Variants in KRT73 observed in about 807,000 individuals in gnomAD.
The protein encoded by KRT73 is keratin 73, also known as keratin, type II cytoskeletal 73.
In KRT73, 44 loss-of-function variants were observed where a neutral mutation model predicts 47.2. The ratio of observed to expected loss-of-function variants is 0.93; its 90% CI spans 0.73 to 1.20. The LOEUF (loss-of-function observed/expected upper bound fraction) is 1.20. KRT73 is among the 50% of genes most tolerant of loss of function. The probability of loss-of-function intolerance (pLI) is 0.00; values close to 1 mark genes in which losing one functional copy is unlikely to be tolerated. For missense variants in KRT73, 713 were observed against 704.5 expected, an observed-to-expected ratio of 1.01 and a Z score of -0.14; for synonymous variants, 285 against 291.3, an observed-to-expected ratio of 0.98 and a Z score of 0.22.
intron 5 of KRT73, among the ~76,000 whole-genome samples, chr12:52,611,745 C>G (rs1940708118): frequency 6.6e-6 from 1 of 152,180 alleles, no homozygotes; most frequent in Non-Finnish European, 1.5e-5. Context: ...ACACTTCCCC[C>G]AGATGTCCCA....
Position 52,616,321 on chromosome 12 carries a change from C to A in KRT73, c.507G>T (p.Gln169His). 1 of 1,614,182 alleles carries A rather than the reference C, an allele frequency of 6.2e-7. No individual in the cohort carries two copies. Among genetic ancestry groups the A allele is most frequent in the Non-Finnish European group, 8.5e-7 (1 of 1,180,034 alleles). Residue 169 changes from glutamine to histidine, a missense_variant, in exon 2 of 9, where the codon CAG (glutamine) becomes CAT (histidine). Coordinates refer to ENST00000305748, the MANE Select transcript of KRT73 (RefSeq NM_175068.3). ...VLETKWELLQ[Q>H]LDLNNCKNNL... The stretch of plus-strand genomic sequence containing the variant: ...TATTCTTGCAGTTGTTCAGGTCCAG[C>A]TGCTGTAGCAGCTCCCACTTGGTCT...
the KRT73 span, among the ~76,000 whole-genome samples, chr12:52,627,992 T>C: frequency 6.6e-6 from 1 of 152,138 alleles, no homozygotes; most frequent in Non-Finnish European, 1.5e-5. Flanking sequence ...GAAGATCTTA[T>C]TAGTGAATAT....
chr12:52,609,313 AT>A (rs1940647102), intron 7 of KRT73, 32 bp from the exon 8 acceptor site: 1 of 1,599,458 alleles, frequency 6.3e-7, no homozygotes, highest in African/African-American at 1.3e-5. Flanking sequence ...GAGAGTCTGA[AT>A]CACGTGGACT....
chr12:52,629,682 G>A, the KRT73 span, among the ~76,000 whole-genome samples: 3 of 152,352 alleles, frequency 2.0e-5, no homozygotes, highest in Admixed American at 2.0e-4. Flanking sequence ...GACTTCTCTA[G>A]ATTGCCTGTT....
In KRT73 at chr12:52,618,178, G is replaced by A. The variant is rs1308999356; in HGVS notation, c.347C>T (p.Pro116Leu). 6.2e-7 allele frequency: 1 copy of A among 1,613,910 alleles called. No individual in the cohort carries two copies. The highest frequency in any genetic ancestry group is 2.2e-5 in the East Asian group (1 of 44,878). Reference sequence around the variant, plus strand: ...TTCAGGGTCCAGCTCCACGTTCAGGGGTGCCAGGAGGCTCTTGTTGATGGT... The same window carrying A: ...TTCAGGGTCCAGCTCCACGTTCAGGAGTGCCAGGAGGCTCTTGTTGATGGT... ...QVTINKSLLAPLNVELDPEIQ... is the reference protein window; with the variant it reads ...QVTINKSLLALLNVELDPEIQ... Residue 116 changes from proline to leucine, a missense_variant, in exon 1 of 9, where the codon CCC becomes CTC. Coordinates refer to ENST00000305748, the MANE Select transcript of KRT73 (RefSeq NM_175068.3).
upstream of KRT73, among the ~76,000 whole-genome samples, chr12:52,622,127 T>G (rs1205851751): frequency 2.0e-5 from 3 of 151,572 alleles, no homozygotes; most frequent in South Asian, 2.1e-4. Context: ...GTCCTCAAAT[T>G]GAATGAAAAA....
the KRT73 span, among the ~76,000 whole-genome samples, chr12:52,627,101 C>G: frequency 2.6e-5 from 4 of 152,192 alleles, no homozygotes; most frequent in Admixed American, 1.3e-4. Flanking sequence ...ACAGTAGATA[C>G]AGCACCTCTA....
chr12:52,630,145 C>A, the KRT73 span, among the ~76,000 whole-genome samples: 3 of 152,232 alleles, frequency 2.0e-5, no homozygotes, highest in Admixed American at 6.5e-5. Flanking sequence ...GTGCTCATCA[C>A]GTGCACCCTG....
the KRT73 span, among the ~76,000 whole-genome samples, chr12:52,623,750 T>TAATG: frequency 6.6e-6 from 1 of 151,964 alleles, no homozygotes. Context: ...ACTGATAAAA[T>TAATG]AATGATAGCA....
At chr12:52,621,370 A>C (rs1288685773), upstream of KRT73, among the ~76,000 whole-genome samples, 1 of 152,144 alleles carries the variant, frequency 6.6e-6, no homozygotes, top group Non-Finnish European at 1.5e-5. Context: ...CAATCAAATA[A>C]ATATTGTGAA....
At position 52,613,808 on chromosome 12, in the gene KRT73, G is replaced by A; in HGVS notation, c.864C>T (p.Ile288=). 1 of 1,614,212 alleles carries A rather than the reference G, an allele frequency of 6.2e-7. No homozygotes were observed. The highest frequency in any genetic ancestry group is 8.5e-7 in the Non-Finnish European group (1 of 1,180,020). Residue 288 remains isoleucine, a synonymous_variant, in exon 5 of 9, where the codon ATC becomes ATT. Transcript: ENST00000305748. ...GGTTCCGGTTGTTGTCCATGGACAGGATGATGGACGTGTCGCTGATGTGGG... is the reference window on the plus strand; with the variant it reads ...GGTTCCGGTTGTTGTCCATGGACAGAATGATGGACGTGTCGCTGATGTGGG... ...IQSHISDTSI[I]LSMDNNRNLD...
upstream of KRT73, among the ~76,000 whole-genome samples, chr12:52,620,753 G>A (rs896596906): frequency 6.6e-6 from 1 of 152,052 alleles, no homozygotes; most frequent in Non-Finnish European, 1.5e-5. Flanking sequence ...GGCACTTCCG[G>A]AAACCTTCTC....
In KRT73 at chr12:52,616,295, T is replaced by A; in HGVS notation, c.533A>T (p.Asn178Ile). 2 of 1,614,162 alleles carry A rather than the reference T, an allele frequency of 1.2e-6. No homozygotes were observed. The highest frequency in any genetic ancestry group is 1.7e-6 in the Non-Finnish European group (2 of 1,180,026). ...GTAGCCCTCAAGGATGGGCTCCAGG[T>A]TATTCTTGCAGTTGTTCAGGTCCAG... ...QQLDLNNCKNNLEPILEGYIS... is the reference protein window; with the variant it reads ...QQLDLNNCKNILEPILEGYIS... The change falls in exon 2 of 9, where the codon AAC (asparagine) becomes ATC (isoleucine). Residue 178 changes from asparagine (N) to isoleucine (I), a missense_variant. Transcript: ENST00000305748.
chr12:52,609,722 T>G (rs1940654725), intron 7 of KRT73: 3 of 168,484 alleles, frequency 1.8e-5, no homozygotes, highest in African/African-American at 4.8e-5. Context: ...TTTTCAAATG[T>G]TCATGCTTCG....
At chr12:52,629,987 GC>G in the KRT73 span, among the ~76,000 whole-genome samples, 1 of 152,132 alleles carries the variant, frequency 6.6e-6, no homozygotes, top group Non-Finnish European at 1.5e-5. Context: ...GATCAATACA[GC>G]CGTGCCTGGA....
In KRT73 at chr12:52,609,421, G is replaced by T. The variant is rs890915045; in HGVS notation, c.1332-140C>A. On this transcript the variant is annotated intron_variant, in intron 7 of 8. Transcript: ENST00000305748. ...CCACACTTGCCAGATGGCACTGGCTGCCCTTGCATGTCTCTAAGCCCTCCC... is the reference window on the plus strand; with the variant it reads ...CCACACTTGCCAGATGGCACTGGCTTCCCTTGCATGTCTCTAAGCCCTCCC... The T allele has an allele frequency of 6.9e-6, 5 of 729,684 alleles. No individual in the cohort carries two copies. In the African/African-American group the frequency reaches 6.9e-5, roughly 10 times the overall value. 45.2% of individuals were successfully genotyped at this position (729,684 alleles called of 1,614,324 possible).
chr12:52,614,594 C>T lies in KRT73; in HGVS notation c.804G>A (p.Lys268=). ...DALDGEIKFF[K]CLYEGETAQI... ...GGAGCCTTACCCCCTCGTACAGACA[C>T]TTGAAGAACTTGATTTCTCCATCCA... The change falls in exon 4 of 9, where the codon AAG becomes AAA. Residue 268 remains lysine (K), a synonymous_variant. Coordinates refer to ENST00000305748, the MANE Select transcript of KRT73 (RefSeq NM_175068.3). The T allele has an allele frequency of 6.2e-7, 1 of 1,613,980 alleles. No individual in the cohort carries two copies. Among genetic ancestry groups the T allele is most frequent in the Non-Finnish European group, 8.5e-7 (1 of 1,179,908 alleles).
chr12:52,614,902 G>A (rs1352401404), intron 3 of KRT73: 4 of 556,618 alleles, frequency 7.2e-6, no homozygotes, highest in Non-Finnish European at 1.3e-5. Context: ...TCAGAGAAGG[G>A]TGTGAGACTC....
At chr12:52,622,818 T>A (rs893965780), upstream of KRT73, among the ~76,000 whole-genome samples, 1 of 152,010 alleles carries the variant, frequency 6.6e-6, no homozygotes, top group Non-Finnish European at 1.5e-5. Flanking sequence ...CTAAGAAATA[T>A]AATAATCAAA....
Sources: gnomAD v4.1 joint callset for allele counts (sites outside exome capture counted in the v4.1 genomes callset) on GRCh38, gnomAD v4.1.1 for gene constraint, MANE v1.5 for transcripts, NCBI Gene and HGNC (gene_info 2026-07-23, HGNC 2026-07-21) for gene names.